Variants in PPHLN1 observed in about 807,000 individuals in gnomAD.
PPHLN1 encodes periphilin 1, also known as periphilin-1.
In PPHLN1, 29 loss-of-function variants were observed where a neutral mutation model predicts 51.3. That is an observed-to-expected ratio of 0.57 (90% confidence interval 0.42 to 0.77). The LOEUF (loss-of-function observed/expected upper bound fraction) is 0.77. Ranked by LOEUF, PPHLN1 falls within the 30% of genes least tolerant of loss-of-function variation. The probability of loss-of-function intolerance (pLI) is 0.00; values close to 1 mark genes in which losing one functional copy is unlikely to be tolerated. For missense variants in PPHLN1, 436 were observed against 438.4 expected, an observed-to-expected ratio of 0.99 and a Z score of 0.05; for synonymous variants, 147 against 147.8, an observed-to-expected ratio of 0.99 and a Z score of 0.04.
intron 7 of PPHLN1, among the ~76,000 whole-genome samples, chr12:42,391,463 C>T (rs2077706147): frequency 6.6e-6 from 1 of 152,058 alleles, no homozygotes; most frequent in Admixed American, 6.6e-5. Context: ...GGTCTGGTCT[C>T]ACACTCCTGA....
At chr12:42,426,230 C>CT (rs1414627621) in intron 9 of PPHLN1, among the ~76,000 whole-genome samples, 1 of 80,354 alleles carries the variant, frequency 1.2e-5, no homozygotes, top group Non-Finnish European at 2.5e-5. Flanking sequence ...ACACACACAC[C>CT]CTCATGCATT....
intron 9 of PPHLN1, among the ~76,000 whole-genome samples, chr12:42,426,060 A>G (rs2081426067): frequency 6.6e-6 from 1 of 152,182 alleles, no homozygotes; most frequent in Non-Finnish European, 1.5e-5. Context: ...GATCTGACCT[A>G]TTTATTTCTA....
chr12:42,332,290 A>G (rs2069873508), intron 1 of PPHLN1, among the ~76,000 whole-genome samples: 2 of 152,290 alleles, frequency 1.3e-5, no homozygotes, highest in Middle Eastern at 3.4e-3. Flanking sequence ...ACCATAGGAG[A>G]TGGTAATTTT....
intron 4 of PPHLN1, among the ~76,000 whole-genome samples, chr12:42,356,205 A>T (rs1186642323): frequency 6.6e-6 from 1 of 152,194 alleles, no homozygotes; most frequent in Non-Finnish European, 1.5e-5. Context: ...AACTGTCACA[A>T]CTCCAAAGAT....
intron 9 of PPHLN1, among the ~76,000 whole-genome samples, chr12:42,406,132 G>A (rs2079280542): frequency 7.3e-6 from 1 of 136,364 alleles, no homozygotes; most frequent in Non-Finnish European, 1.6e-5. Context: ...CACCCAGATT[G>A]GAGTGCAGTG....
intron 2 of PPHLN1, among the ~76,000 whole-genome samples, chr12:42,350,695 G>T (rs1449786857): frequency 6.6e-6 from 1 of 152,194 alleles, no homozygotes; most frequent in Non-Finnish European, 1.5e-5. Flanking sequence ...GAGTGAGCGA[G>T]ACTCTGTCTG....
At chr12:42,341,784 G>T (rs1303774259) in intron 2 of PPHLN1, among the ~76,000 whole-genome samples, 2 of 152,070 alleles carry the variant, frequency 1.3e-5, no homozygotes, top group Non-Finnish European at 2.9e-5. Flanking sequence ...ACCACGCCCG[G>T]CTAATTTTTT....
chr12:42,336,793 A>G (rs2070728012), intron 2 of PPHLN1, among the ~76,000 whole-genome samples: 1 of 152,240 alleles, frequency 6.6e-6, no homozygotes, highest in African/African-American at 2.4e-5. Flanking sequence ...CTAAGCACCA[A>G]GGGACTAAGG....
chr12:42,339,251 C>T (rs1351297477), intron 2 of PPHLN1, among the ~76,000 whole-genome samples: 1 of 152,130 alleles, frequency 6.6e-6, no homozygotes, highest in East Asian at 1.9e-4. Context: ...AGGTTCATTT[C>T]TCTCCTTTTT....
chr12:42,354,590 G>C (rs1356985323), intron 3 of PPHLN1, among the ~76,000 whole-genome samples: 1 of 152,110 alleles, frequency 6.6e-6, no homozygotes, highest in Non-Finnish European at 1.5e-5. Flanking sequence ...ATATGTCTTA[G>C]AGAACAAAAT....
At chr12:42,376,023 A>G (rs1359516993) in intron 5 of PPHLN1, among the ~76,000 whole-genome samples, 1 of 152,204 alleles carries the variant, frequency 6.6e-6, no homozygotes, top group Non-Finnish European at 1.5e-5. Flanking sequence ...ACAATAATTG[A>G]TATGTCATAA....
At chr12:42,400,763 C>G (rs900999480) in intron 9 of PPHLN1, among the ~76,000 whole-genome samples, 7 of 148,896 alleles carry the variant, frequency 4.7e-5, no homozygotes, top group Non-Finnish European at 8.9e-5. Flanking sequence ...CCCTGTCTCT[C>G]TCTCTCTCTC....
Position 42,425,246 on chromosome 12 carries a change from A to ATTT in PPHLN1, c.910-16052_910-16050dup, listed in dbSNP as rs34484756. Among the ~76,000 whole-genome samples the ATTT allele has an allele frequency of 3.8e-3, 474 of 124,784 alleles. 6 individuals are homozygous for ATTT. The highest frequency in any genetic ancestry group is 0.013 in the African/African-American group (433 of 32,596). The allele number at this position is 124,784 out of a possible 152,430, so 81.9% of individuals were successfully genotyped here. A position where few individuals can be genotyped will look rare whatever the true frequency, so the allele number is the denominator to read the frequency against. ...AGGTGTGCACCACCATGCCTGGCTAATTTTTTTTTTTTTTTTTTTGTATTT... is the reference window on the plus strand; with the variant it reads ...AGGTGTGCACCACCATGCCTGGCTAATTTTTTTTTTTTTTTTTTTTTTGTATTT... On this transcript the variant is annotated intron_variant, in intron 9 of 9. Coordinates refer to ENST00000358314, the MANE Select transcript of PPHLN1 (RefSeq NM_201439.2).
intron 5 of PPHLN1, chr12:42,375,283 C>G: frequency 3.3e-6 from 1 of 304,916 alleles, no homozygotes; most frequent in Non-Finnish European, 6.1e-6. Context: ...TTCTGCATGA[C>G]ACTTACCTTT....
intron 1 of PPHLN1, 30 bp from the exon 2 acceptor site, chr12:42,335,853 A>G (rs1460039112): frequency 1.5e-6 from 2 of 1,364,958 alleles, no homozygotes; most frequent in Admixed American, 4.3e-5. Context: ...TTCCTAGTAT[A>G]AAATCCATAA....
At chr12:42,428,193 C>T (rs1054184704) in intron 9 of PPHLN1, among the ~76,000 whole-genome samples, 11 of 152,168 alleles carry the variant, frequency 7.2e-5, no homozygotes, top group East Asian at 1.9e-4. Context: ...TTATGGAAAA[C>T]GGTGTGGAGA....
chr12:42,332,745 CA>C, intron 1 of PPHLN1: 2 of 1,218,740 alleles, frequency 1.6e-6, no homozygotes, highest in Non-Finnish European at 1.2e-6. Context: ...GTTATTGTTA[CA>C]TTTTTTGTGG....
intron 9 of PPHLN1, among the ~76,000 whole-genome samples, chr12:42,417,215 T>C (rs2139623616): frequency 6.6e-6 from 1 of 152,198 alleles, no homozygotes; most frequent in Non-Finnish European, 1.5e-5. Context: ...AAGGGTAGAA[T>C]GAGAGACTGA....
At chr12:42,436,283 CTT>C (rs5797796) in intron 9 of PPHLN1, among the ~76,000 whole-genome samples, 30,137 of 152,128 alleles carry the variant, frequency 0.2, 3,342 homozygotes, top group African/African-American at 0.3. Flanking sequence ...TTAAAGCACA[CTT>C]TAGCTATTCA....
Sources: gnomAD v4.1 joint callset for allele counts (sites outside exome capture counted in the v4.1 genomes callset) on GRCh38, gnomAD v4.1.1 for gene constraint, MANE v1.5 for transcripts, NCBI Gene and HGNC (gene_info 2026-07-23, HGNC 2026-07-21) for gene names.